The following MALRD1 variants were observed in gnomAD, a reference collection of about 807,000 sequenced individuals.
The protein encoded by MALRD1 is MAM and LDL receptor class A domain containing 1, also known as MAM and LDL-receptor class A domain-containing protein 1.
Under a neutral mutation model 242.1 loss-of-function variants are expected in MALRD1, and 247 were observed. The observed-to-expected ratio is 1.02, with a 90% confidence interval of 0.92 to 1.13. MALRD1 has a LOEUF of 1.13. Ranked by LOEUF, MALRD1 falls within the 50% of genes most tolerant of loss-of-function variation. MALRD1 has a pLI of 0.00. For synonymous variants in MALRD1, 995 were observed against 866.6 expected (o/e 1.15, Z -2.60); for missense variants, 2,989 against 2,533.1 (o/e 1.18, Z -3.86).
chr10:19,704,592 A>G (rs1157275410), intron 38 of MALRD1, among the ~76,000 whole-genome samples: 7 of 152,230 alleles, frequency 4.6e-5, no homozygotes, highest in Non-Finnish European at 7.3e-5. Flanking sequence ...ATGCAATAGT[A>G]GAAAGATGGT....
chr10:19,529,457 G>C (rs1358100027), intron 31 of MALRD1, among the ~76,000 whole-genome samples: 2 of 140,792 alleles, frequency 1.4e-5, no homozygotes, highest in Non-Finnish European at 3.0e-5. Flanking sequence ...TGTAAAAACA[G>C]AAGATATAAA....
intron 31 of MALRD1, among the ~76,000 whole-genome samples, chr10:19,519,206 G>T (rs2131311559): frequency 8.5e-6 from 1 of 117,324 alleles, no homozygotes; most frequent in African/African-American, 2.7e-5. Flanking sequence ...CATCAGCATA[G>T]TCAAGTTTTG....
intron 14 of MALRD1, among the ~76,000 whole-genome samples, chr10:19,192,895 G>A (rs1216931959): frequency 1.3e-5 from 2 of 152,010 alleles, no homozygotes; most frequent in African/African-American, 4.8e-5. Context: ...CTATTAAAGA[G>A]GTCTAATAAT....
At chr10:19,437,249 G>A (rs770981542) in intron 28 of MALRD1, among the ~76,000 whole-genome samples, 6 of 152,050 alleles carry the variant, frequency 3.9e-5, no homozygotes, top group South Asian at 4.2e-4. Context: ...TTTGTTCTTC[G>A]TTTTATTTTG....
chr10:19,175,810 T>C (rs1217152463), intron 14 of MALRD1, among the ~76,000 whole-genome samples: 1 of 152,110 alleles, frequency 6.6e-6, no homozygotes, highest in East Asian at 1.9e-4. Flanking sequence ...GTGTTTCTAT[T>C]CAAAATTTAA....
At chr10:19,700,571 C>T (rs145312444) in intron 38 of MALRD1, among the ~76,000 whole-genome samples, 15 of 152,260 alleles carry the variant, frequency 9.9e-5, no homozygotes, top group African/African-American at 3.1e-4. Flanking sequence ...TTGTGATACT[C>T]GATCCATGAG....
chr10:19,165,244 T>TATATATATATATATATATAA lies in MALRD1; in HGVS notation c.1657-374_1657-373insAATATATATATATATATATA, dbSNP rs1463607763. ...TATTTAACACAGAAGTTGTTTGGAATATATATATATATATATATATATTTT... is the reference window on the plus strand; with the variant it reads ...TATTTAACACAGAAGTTGTTTGGAATATATATATATATATATATAAATATATATATATATATATATATTTT... On this transcript the variant is annotated intron_variant, in intron 12 of 39. Transcript: ENST00000454679. Among the ~76,000 whole-genome samples the TATATATATATATATATATAA allele has an allele frequency of 5.4e-5, 5 of 93,370 alleles. No individual in the cohort carries two copies. The East Asian group carries it at 1.5e-3, about 28-fold the overall frequency. 61.3% of individuals were successfully genotyped at this position (93,370 alleles called of 152,430 possible). A position where few individuals can be genotyped will look rare whatever the true frequency, so the allele number is the denominator to read the frequency against.
At chr10:19,291,557 A>C (rs1841427426) in intron 21 of MALRD1, 1 of 151,792 alleles carries the variant, frequency 6.6e-6, no homozygotes, top group Non-Finnish European at 1.5e-5. Flanking sequence ...AAGAAAAAAA[A>C]ATTCATGGAA....
chr10:19,176,470 G>A (rs1046530600), intron 14 of MALRD1, among the ~76,000 whole-genome samples: 3 of 143,458 alleles, frequency 2.1e-5, no homozygotes, highest in Non-Finnish European at 4.6e-5. Context: ...CGCTTCCCGG[G>A]TTCAAGCCAT....
intron 12 of MALRD1, among the ~76,000 whole-genome samples, chr10:19,157,890 G>A (rs1834235843): frequency 6.6e-6 from 1 of 152,050 alleles, no homozygotes; most frequent in South Asian, 2.1e-4. Flanking sequence ...ACGATTTTAG[G>A]GCCATTTTGC....
intron 13 of MALRD1, among the ~76,000 whole-genome samples, chr10:19,167,110 A>G (rs922598696): frequency 6.6e-6 from 1 of 152,202 alleles, no homozygotes; most frequent in African/African-American, 2.4e-5. Flanking sequence ...CTGTAATCCC[A>G]GCGCTTTGGG....
At chr10:19,212,765 G>A (rs1031627432) in intron 18 of MALRD1, among the ~76,000 whole-genome samples, 3 of 152,168 alleles carry the variant, frequency 2.0e-5, no homozygotes, top group East Asian at 1.9e-4. Flanking sequence ...GCTATTATCA[G>A]TCACGCTAAT....
At chr10:19,697,810 C>T (rs1833447243) in intron 38 of MALRD1, among the ~76,000 whole-genome samples, 1 of 152,076 alleles carries the variant, frequency 6.6e-6, no homozygotes, top group African/African-American at 2.4e-5. Flanking sequence ...TTGCCAGGCT[C>T]TACTCCTATT....
In MALRD1 at chr10:19,618,024, T is replaced by C. The variant is rs1329601577; in HGVS notation, c.6137+2101T>C. On this transcript the variant is annotated intron_variant, in intron 36 of 39. Transcript: ENST00000454679. ...GTCCCCAGTGTCTGTTGTTTCCCTT[T>C]GTGCATCCATGTGTTCTCATCATTT... Among the ~76,000 whole-genome samples the C allele has an allele frequency of 2.0e-5, 3 of 152,062 alleles. No homozygotes were observed. In the East Asian group the frequency reaches 5.8e-4, roughly 29 times the overall value.
intron 34 of MALRD1, among the ~76,000 whole-genome samples, chr10:19,601,258 C>T (rs1056537427): frequency 2.6e-5 from 4 of 151,998 alleles, no homozygotes; most frequent in Admixed American, 6.6e-5. Flanking sequence ...TTCATGGAAA[C>T]ATTTTGAAAC....
At chr10:19,315,259 T>C (rs1192404459) in intron 21 of MALRD1, among the ~76,000 whole-genome samples, 4 of 54,082 alleles carry the variant, frequency 7.4e-5, no homozygotes, top group Non-Finnish European at 1.2e-4. Flanking sequence ...TATATAAATA[T>C]ATAAATATAA....
intron 31 of MALRD1, among the ~76,000 whole-genome samples, chr10:19,506,587 T>G (rs755936452): frequency 6.6e-6 from 1 of 152,074 alleles, no homozygotes; most frequent in Non-Finnish European, 1.5e-5. Flanking sequence ...TGTTGAGATA[T>G]ATATATATAT....
intron 29 of MALRD1, among the ~76,000 whole-genome samples, chr10:19,453,010 T>C (rs1835413073): frequency 1.3e-5 from 2 of 152,208 alleles, no homozygotes; most frequent in Non-Finnish European, 2.9e-5. Flanking sequence ...TACGTTAAAA[T>C]ATGTGAAGTT....
chr10:19,063,045 T>G (rs1282479825), intron 1 of MALRD1, among the ~76,000 whole-genome samples: 1 of 151,830 alleles, frequency 6.6e-6, no homozygotes, highest in African/African-American at 2.4e-5. Context: ...CTTGAGAGGC[T>G]GAGATGGGAG....
Sources: gnomAD v4.1 joint callset for allele counts (sites outside exome capture counted in the v4.1 genomes callset) on GRCh38, gnomAD v4.1.1 for gene constraint, MANE v1.5 for transcripts, NCBI Gene and HGNC (gene_info 2026-07-23, HGNC 2026-07-21) for gene names.